Variants in DOK5 observed in about 807,000 individuals in gnomAD.
DOK5 encodes docking protein 5.
DOK5 carries 27 observed loss-of-function variants against 43.3 expected under a neutral mutation model. That is an observed-to-expected ratio of 0.62 (90% CI 0.46 to 0.86). The LOEUF (loss-of-function observed/expected upper bound fraction) is 0.86. Ranked by LOEUF, DOK5 falls within the 40% of genes least tolerant of loss-of-function variation. DOK5 has a pLI of 0.00. For missense variants in DOK5, 373 were observed against 392.9 expected, an observed-to-expected ratio of 0.95 and a Z score of 0.43; for synonymous variants, 146 against 140.1, an observed-to-expected ratio of 1.04 and a Z score of -0.30.
At chr20:54,607,269 G>C (rs1986501140) in intron 5 of DOK5, among the ~76,000 whole-genome samples, 1 of 152,196 alleles carries the variant, frequency 6.6e-6, no homozygotes, top group Admixed American at 6.5e-5. Context: ...GACAGGACCT[G>C]TGCTCTCTGC....
At chr20:54,625,587 T>C (rs1285224492) in intron 6 of DOK5, among the ~76,000 whole-genome samples, 1 of 152,184 alleles carries the variant, frequency 6.6e-6, no homozygotes, top group Non-Finnish European at 1.5e-5. Context: ...TGGCTGGACA[T>C]CTTTACCAGC....
intron 2 of DOK5, among the ~76,000 whole-genome samples, chr20:54,575,693 G>T (rs977974229): frequency 6.6e-6 from 1 of 152,166 alleles, no homozygotes; most frequent in Non-Finnish European, 1.5e-5. Context: ...CACCCACCTT[G>T]GCCTCCCAAG....
rs931751711 is a variant in DOK5 at position 54,575,769 on chromosome 20, T to A, written c.175-12714T>A. Among the ~76,000 whole-genome samples, 4 of 152,232 alleles carry A rather than the reference T, an allele frequency of 2.6e-5. No homozygotes were observed. In the East Asian group the frequency reaches 7.7e-4, roughly 29 times the overall value. On this transcript the variant is annotated intron_variant, in intron 2 of 7. Coordinates refer to ENST00000262593, the MANE Select transcript of DOK5 (RefSeq NM_018431.5). ...ATTTGCTGGAGTTGTACAGATAAAC[T>A]ATATAATTTACTTTCAAATCATTTA... is the stretch of plus-strand genomic sequence containing the variant.
At chr20:54,547,407 A>G (rs2146721739) in intron 1 of DOK5, among the ~76,000 whole-genome samples, 1 of 152,338 alleles carries the variant, frequency 6.6e-6, no homozygotes, top group South Asian at 2.1e-4. Context: ...CAGTCCTTGA[A>G]TCCTTTAGAA....
chr20:54,514,499 T>C (rs1983126897), intron 1 of DOK5, among the ~76,000 whole-genome samples: 1 of 152,002 alleles, frequency 6.6e-6, no homozygotes, highest in Non-Finnish European at 1.5e-5. Context: ...TTCCTTCCTC[T>C]TGCTGAGGAA....
At chr20:54,555,135 T>A in intron 2 of DOK5, 95 bp downstream of exon 2, 3 of 785,680 alleles carry the variant, frequency 3.8e-6, no homozygotes, top group Non-Finnish European at 6.6e-6. Context: ...TTAACAAAGG[T>A]ACAAGCAATA....
At chr20:54,549,093 CTT>C (rs1460708655) in intron 1 of DOK5, among the ~76,000 whole-genome samples, 3 of 152,208 alleles carry the variant, frequency 2.0e-5, no homozygotes, top group Non-Finnish European at 4.4e-5. Flanking sequence ...TTTTAGAAGT[CTT>C]TGTCGGCAGC....
At chr20:54,581,166 G>C (rs542872293) in intron 2 of DOK5, among the ~76,000 whole-genome samples, 1 of 152,124 alleles carries the variant, frequency 6.6e-6, no homozygotes, top group African/African-American at 2.4e-5. Context: ...TGGCACCCTT[G>C]TGAAAGACCA....
Position 54,614,247 on chromosome 20 carries a change from C to G in DOK5, c.735+3724C>G, listed in dbSNP as rs569449822. On this transcript the variant is annotated intron_variant, in intron 6 of 7. Coordinates refer to ENST00000262593, the MANE Select transcript of DOK5 (RefSeq NM_018431.5). Reference sequence around the variant, plus strand: ...CAGCCTTCCAGGAAGACTTTCTTTTCGAACTAATACAATCTTGGTATTTAT... The same window carrying G: ...CAGCCTTCCAGGAAGACTTTCTTTTGGAACTAATACAATCTTGGTATTTAT... Among the ~76,000 whole-genome samples the G allele has an allele frequency of 1.2e-4, 19 of 152,078 alleles. No homozygotes were observed. The South Asian group carries it at 3.5e-3, about 28-fold the overall frequency.
chr20:54,618,338 CT>C (rs927201068), intron 6 of DOK5, among the ~76,000 whole-genome samples: 8 of 137,756 alleles, frequency 5.8e-5, no homozygotes, highest in Admixed American at 4.5e-4. Context: ...AGCATTTTCC[CT>C]TTTTTTTCCC....
At chr20:54,528,696 T>C (rs2426528) in intron 1 of DOK5, among the ~76,000 whole-genome samples, 1,685 of 152,338 alleles carry the variant, frequency 0.011, 38 homozygotes, top group African/African-American at 0.039. Flanking sequence ...GGTTTTGTAC[T>C]GCCAAATAAA....
intron 1 of DOK5, among the ~76,000 whole-genome samples, chr20:54,535,051 C>G (rs1320658054): frequency 6.6e-6 from 1 of 152,186 alleles, no homozygotes; most frequent in Admixed American, 6.5e-5. Flanking sequence ...CCAGGCTGGT[C>G]TTGAACTCCT....
chr20:54,631,785 A>G (rs1415563803), intron 6 of DOK5, among the ~76,000 whole-genome samples: 5 of 152,130 alleles, frequency 3.3e-5, no homozygotes, highest in African/African-American at 9.7e-5. Flanking sequence ...CATCCTGGCC[A>G]GCATGGTGAA....
intron 6 of DOK5, among the ~76,000 whole-genome samples, chr20:54,639,624 A>C (rs202197401): frequency 1.2e-4 from 1 of 8,162 alleles, no homozygotes; most frequent in East Asian, 0.25. Flanking sequence ...TATCTATTGT[A>C]AAAAAAAAAC....
chr20:54,622,432 G>A (rs555420449), intron 6 of DOK5, among the ~76,000 whole-genome samples: 5 of 152,034 alleles, frequency 3.3e-5, no homozygotes, highest in Non-Finnish European at 7.4e-5. Context: ...AACTTGCAAC[G>A]TGCAGGGGTG....
chr20:54,616,290 C>G (rs1986805555), intron 6 of DOK5, among the ~76,000 whole-genome samples: 1 of 152,210 alleles, frequency 6.6e-6, no homozygotes, highest in Non-Finnish European at 1.5e-5. Flanking sequence ...ATCTTTGAAT[C>G]AAGCCCCTAG....
chr20:54,572,724 G>A lies in DOK5; in HGVS notation c.175-15759G>A, dbSNP rs549591950. Among the ~76,000 whole-genome samples the A allele has an allele frequency of 5.3e-5, 8 of 152,186 alleles. No homozygotes were observed. In the South Asian group the frequency reaches 1.5e-3, roughly 28 times the overall value. On this transcript the variant is annotated intron_variant, in intron 2 of 7. Coordinates refer to ENST00000262593, the MANE Select transcript of DOK5 (RefSeq NM_018431.5). ...TCTTGGGACCTTTGGGAACCATATAGATCAGATTATTAGATCTTTCCCTTT... is the reference window on the plus strand; with the variant it reads ...TCTTGGGACCTTTGGGAACCATATAAATCAGATTATTAGATCTTTCCCTTT...
At chr20:54,578,214 T>A (rs1985516322) in intron 2 of DOK5, among the ~76,000 whole-genome samples, 1 of 152,206 alleles carries the variant, frequency 6.6e-6, no homozygotes, top group African/African-American at 2.4e-5. Flanking sequence ...AAGAAATTAC[T>A]TCAGGATGTC....
chr20:54,546,415 ATACTTT>A (rs966436971), intron 1 of DOK5, among the ~76,000 whole-genome samples: 5 of 152,096 alleles, frequency 3.3e-5, no homozygotes, highest in Non-Finnish European at 7.4e-5. Flanking sequence ...TTTTATTATT[ATACTTT>A]AAGTACTAGG....
Sources: gnomAD v4.1 joint callset for allele counts (sites outside exome capture counted in the v4.1 genomes callset) on GRCh38, gnomAD v4.1.1 for gene constraint, MANE v1.5 for transcripts, NCBI Gene and HGNC (gene_info 2026-07-23, HGNC 2026-07-21) for gene names.